The following COL4A5 variants were observed in gnomAD, a reference collection of about 807,000 sequenced individuals.
The protein encoded by COL4A5 is collagen type IV alpha 5 chain.
COL4A5 carries 26 observed loss-of-function variants against 130.2 expected under a neutral mutation model. That is an observed-to-expected ratio of 0.20 (90% CI 0.15 to 0.28). The LOEUF (loss-of-function observed/expected upper bound fraction) is 0.28, where lower values mean the gene tolerates loss of function less well. COL4A5 is among the 10% of genes least tolerant of loss of function. The pLI, the probability that COL4A5 is intolerant of heterozygous loss-of-function variation, is 1.00. For missense variants in COL4A5, 1,131 were observed against 1,344.3 expected (o/e 0.84, Z 2.48); for synonymous variants, 496 against 439.6 (o/e 1.13, Z -1.60).
intron 1 of COL4A5, among the ~76,000 whole-genome samples, chrX:108,502,570 C>T (rs925621841): frequency 1.8e-5 from 2 of 111,995 alleles, no homozygotes; most frequent in Admixed American, 9.5e-5. Context: ...CAGGCATGAG[C>T]CACCGCGCCC....
intron 1 of COL4A5, among the ~76,000 whole-genome samples, chrX:108,492,733 C>T (rs980267689): frequency 9.0e-6 from 1 of 111,378 alleles, no homozygotes; most frequent in Admixed American, 9.6e-5. Flanking sequence ...ATTTTTATTG[C>T]ATTATAACCT....
chrX:108,678,431 A>G (rs902326984), intron 44 of COL4A5, among the ~76,000 whole-genome samples: 1 of 111,795 alleles, frequency 8.9e-6, no homozygotes, highest in African/African-American at 3.2e-5. Context: ...AAATATGCAT[A>G]TTTCCAGAAA....
intron 2 of COL4A5, among the ~76,000 whole-genome samples, chrX:108,558,838 T>G (rs957932777): frequency 8.9e-6 from 1 of 111,936 alleles, no homozygotes; most frequent in Non-Finnish European, 1.9e-5. Flanking sequence ...GCTTTTTACT[T>G]TTACAAGAAA....
chrX:108,598,967 C>T, intron 25 of COL4A5, 97 bp downstream of exon 25: 2 of 876,736 alleles, frequency 2.3e-6, no homozygotes, highest in Non-Finnish European at 3.3e-6. Context: ...AGGTGTGTTT[C>T]CCTGGCCGTT....
chrX:108,561,074 A>G (rs891374626), intron 3 of COL4A5, among the ~76,000 whole-genome samples: 2 of 111,577 alleles, frequency 1.8e-5, no homozygotes, highest in Non-Finnish European at 3.8e-5. Flanking sequence ...ATCCAGTGTA[A>G]TAAAGTTAGG....
intron 21 of COL4A5, among the ~76,000 whole-genome samples, chrX:108,592,433 A>T (rs2066451792): frequency 9.0e-6 from 1 of 110,982 alleles, no homozygotes. Context: ...AAAAAATGTA[A>T]TCCTACATTC....
chrX:108,533,712 C>T (rs984343969), intron 1 of COL4A5, among the ~76,000 whole-genome samples: 12 of 110,754 alleles, frequency 1.1e-4, no homozygotes, highest in African/African-American at 3.9e-4. Flanking sequence ...AGCTTCTGAA[C>T]AGCAAACGAA....
In COL4A5 at chrX:108,614,922, C is replaced by A; in HGVS notation, c.2407C>A (p.Pro803Thr). 1.7e-6 allele frequency: 2 copies of A among 1,205,543 alleles called. No individual in the cohort carries two copies. Among genetic ancestry groups the A allele is most frequent in the Non-Finnish European group, 1.1e-6 (1 of 890,182 alleles). ...TTTATTTCTTAAAGGTGATGTTGGA[C>A]CAAATGGACAACCTGGACCAATGGG... ...GLPGPKGDVG[P>T]NGQPGPMGPP... Residue 803 changes from proline to threonine, a missense_variant, in exon 30 of 53, where the codon CCA (proline) becomes ACA (threonine). By Grantham distance (38) the Pro-to-Thr change is conservative. Transcript: ENST00000328300.
chrX:108,482,366 T>G (rs1356575294), intron 1 of COL4A5, among the ~76,000 whole-genome samples: 1 of 111,341 alleles, frequency 9.0e-6, no homozygotes, highest in Non-Finnish European at 1.9e-5. Context: ...GAATCAACAT[T>G]ATCTTGCCTG....
chrX:108,626,421 T>C (rs1387561433), intron 36 of COL4A5, 72 bp downstream of exon 36: 39 of 1,181,703 alleles, frequency 3.3e-5, no homozygotes, highest in Non-Finnish European at 4.5e-5. Context: ...TGCTCATTCC[T>C]AAGTTTTCAT....
chrX:108,677,354 G>T, intron 43 of COL4A5, 146 bp from the exon 44 acceptor site: 1 of 457,564 alleles, frequency 2.2e-6, no homozygotes, highest in South Asian at 5.7e-5. Flanking sequence ...TATTAGAAAG[G>T]GAATCAGCAT....
intron 3 of COL4A5, among the ~76,000 whole-genome samples, chrX:108,562,235 G>A (rs1283932277): frequency 9.0e-6 from 1 of 111,526 alleles, no homozygotes; most frequent in Non-Finnish European, 1.9e-5. Context: ...GTGAAAATGA[G>A]GTGGCAACTC....
intron 24 of COL4A5, 131 bp downstream of exon 24, chrX:108,597,699 C>T: frequency 1.7e-6 from 1 of 581,610 alleles, no homozygotes; most frequent in East Asian, 3.6e-5. Context: ...TGTGACCATA[C>T]AGTAATGGCA....
intron 47 of COL4A5, among the ~76,000 whole-genome samples, chrX:108,685,031 A>G (rs2068517455): frequency 8.9e-6 from 1 of 112,290 alleles, no homozygotes; most frequent in Non-Finnish European, 1.9e-5. Context: ...GATGCAGAAA[A>G]GGCCTTCAAC....
Position 108,692,840 on chromosome X carries a change from T to A in COL4A5, c.4621T>A (p.Tyr1541Asn). 8.3e-7 allele frequency: 1 copy of A among 1,210,663 alleles called. No homozygotes were observed. The highest frequency in any genetic ancestry group is 1.1e-6 in the Non-Finnish European group (1 of 894,543). The stretch of plus-strand genomic sequence containing the variant: ...TTGCAACTTTGCTTCAAGAAATGAC[T>A]ATTCTTACTGGCTCTCTACCCCAGA... ...NVCNFASRNDYSYWLSTPEPM... is the reference protein window; with the variant it reads ...NVCNFASRNDNSYWLSTPEPM... The change falls in exon 50 of 53, where the codon TAT (tyrosine) becomes AAT (asparagine). Residue 1541 changes from tyrosine (Y) to asparagine (N), a missense_variant. Coordinates refer to ENST00000328300, the MANE Select transcript of COL4A5 (RefSeq NM_033380.3).
chrX:108,674,828 T>C, intron 43 of COL4A5, 75 bp downstream of exon 43: 1 of 1,052,400 alleles, frequency 9.5e-7, no homozygotes, highest in East Asian at 3.1e-5. Context: ...AGAAATGCAA[T>C]TTTTTGCTAT....
chrX:108,602,955 A>G lies in COL4A5; in HGVS notation c.2147-9A>G. 2 of 1,151,763 alleles carry G rather than the reference A, an allele frequency of 1.7e-6. No individual in the cohort carries two copies. Among genetic ancestry groups the G allele is most frequent in the Non-Finnish European group, 2.3e-6 (2 of 851,961 alleles). The allele number at this position is 1,151,763 out of a possible 1,213,427, so 94.9% of individuals were successfully genotyped here. On this transcript the variant is annotated splice_polypyrimidine_tract_variant and intron_variant, in intron 27 of 52. Transcript: ENST00000328300. ...TTTGGTGGTTAAAAAATGACTTATC[A>G]TTTTACAGGCTTTCCTGGAATTCCA... is the stretch of plus-strand genomic sequence containing the variant.
intron 1 of COL4A5, among the ~76,000 whole-genome samples, chrX:108,460,799 C>T (rs1306717208): frequency 2.9e-5 from 3 of 105,101 alleles, no homozygotes; most frequent in East Asian, 3.0e-4. Flanking sequence ...TGAGCCACCA[C>T]GTTTGGCTGA....
At chrX:108,680,565 G>A (rs2068406268) in intron 44 of COL4A5, 114 bp from the exon 45 acceptor site, 2 of 612,736 alleles carry the variant, frequency 3.3e-6, no homozygotes, top group African/African-American at 4.4e-5. Context: ...TTACAGTCTT[G>A]GAAGTTTGAC....
Sources: allele counts gnomAD v4.1 joint callset (sites outside exome capture counted in the v4.1 genomes callset), GRCh38; gene constraint gnomAD v4.1.1; transcripts MANE v1.5; gene names NCBI Gene and HGNC (gene_info 2026-07-23, HGNC 2026-07-21).